Variants in RASGRF2 observed in about 807,000 individuals in gnomAD.
The protein encoded by RASGRF2 is Ras protein specific guanine nucleotide releasing factor 2.
RASGRF2 carries 76 observed loss-of-function variants against 151.0 expected under a neutral mutation model. The ratio of observed to expected loss-of-function variants is 0.50; its 90% CI spans 0.42 to 0.61. The LOEUF (loss-of-function observed/expected upper bound fraction) is 0.61, where lower values mean the gene tolerates loss of function less well. RASGRF2 is among the 20% of genes least tolerant of loss of function. The probability of loss-of-function intolerance (pLI) is 0.00; values close to 1 mark genes in which losing one functional copy is unlikely to be tolerated. For synonymous variants in RASGRF2, 504 were observed against 566.5 expected, an observed-to-expected ratio of 0.89 and a Z score of 1.57; for missense variants, 1,148 against 1,564.6, an observed-to-expected ratio of 0.73 and a Z score of 4.49.
intron 9 of RASGRF2, among the ~76,000 whole-genome samples, chr5:81,089,477 T>C (rs1416837876): frequency 1.3e-5 from 2 of 152,230 alleles, no homozygotes; most frequent in Non-Finnish European, 2.9e-5. Context: ...AACTCTTGAA[T>C]GTTTTTTGAT....
At chr5:81,106,779 GAC>G (rs1752858443) in intron 12 of RASGRF2, among the ~76,000 whole-genome samples, 1 of 152,138 alleles carries the variant, frequency 6.6e-6, no homozygotes. Flanking sequence ...TACATAACTG[GAC>G]ACACAGGATG....
At position 81,127,141 on chromosome 5, in the gene RASGRF2, A is replaced by C; in HGVS notation, c.2664A>C (p.Ala888=). Residue 888 remains alanine (A), a synonymous_variant, in exon 17 of 27, where the codon GCA becomes GCC. Transcript: ENST00000265080. ...PASAFAIATA[A]AGHGSPPGFN... is the part of the protein sequence containing the mutation. ...CTGCTTTTGCAATAGCCACAGCTGC[A>C]GCAGGACATGGGAGTCCACCAGGTG... 1 of 1,613,942 alleles carries C rather than the reference A, an allele frequency of 6.2e-7. No individual in the cohort carries two copies. The highest frequency in any genetic ancestry group is 2.2e-5 in the East Asian group (1 of 44,900).
At chr5:81,052,114 T>C (rs1308016548) in intron 2 of RASGRF2, among the ~76,000 whole-genome samples, 1 of 152,220 alleles carries the variant, frequency 6.6e-6, no homozygotes, top group Non-Finnish European at 1.5e-5. Flanking sequence ...TAAAGATAAT[T>C]CTACCAATAC....
In RASGRF2 at chr5:81,094,352, C is replaced by A. The variant is rs199615105; in HGVS notation, c.1608C>A (p.Ser536Arg). ...CATTGATTGAGGAGCCAGATGCAAG[C>A]GATGATGACTGTAAGTCACCTTCGA... ...DCTLIEEPDASDDDSKGSGQV... is the reference protein window; with the variant it reads ...DCTLIEEPDARDDDSKGSGQV... The change falls in exon 11 of 27, where the codon AGC becomes AGA. Residue 536 changes from serine (S) to arginine (R), a missense_variant. Coordinates refer to ENST00000265080, the MANE Select transcript of RASGRF2 (RefSeq NM_006909.3). 3.5e-5 allele frequency: 57 copies of A among 1,612,344 alleles called. No individual in the cohort carries two copies. Among genetic ancestry groups the A allele is most frequent in the Non-Finnish European group, 4.7e-5 (55 of 1,179,410 alleles).
At chr5:81,022,476 A>T (rs1330486601) in intron 1 of RASGRF2, among the ~76,000 whole-genome samples, 1 of 152,116 alleles carries the variant, frequency 6.6e-6, no homozygotes, top group Non-Finnish European at 1.5e-5. Flanking sequence ...GAGCAAGAGG[A>T]CATTGTGTGA....
rs551407326 is a variant in RASGRF2, at chr5:80,969,123, CTTTTTTT to C, written c.288+8116_288+8122del. On this transcript the variant is annotated intron_variant, in intron 1 of 26. Transcript: ENST00000265080. ...CCAGCTCCTCCAGCTGTGCAGGACT[CTTTTTTT>C]TTTTTTTTTTTTTTTTTTAAGTTGG... is the stretch of plus-strand genomic sequence containing the variant. Among the ~76,000 whole-genome samples, 102 of 93,328 alleles carry C rather than the reference CTTTTTTT, an allele frequency of 1.1e-3. 1 individual carries two copies. Among genetic ancestry groups the C allele is most frequent in the African/African-American group, 4.6e-3 (99 of 21,392 alleles). The allele number at this position is 93,328 out of a possible 152,430, so 61.2% of individuals were successfully genotyped here. A position where few individuals can be genotyped will look rare whatever the true frequency, so the allele number is the denominator to read the frequency against.
Position 81,113,356 on chromosome 5 carries a change from A to G in RASGRF2, c.2088-182A>G, listed in dbSNP as rs146609901. On this transcript the variant is annotated intron_variant, in intron 14 of 26. Coordinates refer to ENST00000265080, the MANE Select transcript of RASGRF2 (RefSeq NM_006909.3). ...AGCAAGGGATTAGACGATGCCTAAT[A>G]AGTGTCTGTGCTTCTTTGGCAGGTG... is the stretch of plus-strand genomic sequence containing the variant. 872 of 699,598 alleles carry G rather than the reference A, an allele frequency of 1.2e-3. 7 individuals are homozygous for G. The African/African-American group carries it at 0.014, about 11-fold the overall frequency. 43.3% of individuals were successfully genotyped at this position (699,598 alleles called of 1,614,324 possible). A position where few individuals can be genotyped will look rare whatever the true frequency, so the allele number is the denominator to read the frequency against.
Position 81,050,199 on chromosome 5 carries a change from AT to A in RASGRF2, c.395+7218del, listed in dbSNP as rs569170393. On this transcript the variant is annotated intron_variant, in intron 2 of 26. Transcript: ENST00000265080. ...GCCATCAACACTGATTGCCTGTCCT[AT>A]TGCTCTGCCACCTCGCCTGTCTCTT... Among the ~76,000 whole-genome samples the A allele has an allele frequency of 3.4e-3, 520 of 152,186 alleles. 5 individuals carry two copies. The highest frequency in any genetic ancestry group is 0.012 in the African/African-American group (498 of 41,528).
chr5:81,130,486 C>T (rs1334136675), intron 17 of RASGRF2, among the ~76,000 whole-genome samples: 1 of 152,026 alleles, frequency 6.6e-6, no homozygotes, highest in African/African-American at 2.4e-5. Context: ...AGGAACTGGT[C>T]CCTTAGCAGA....
chr5:81,096,951 TTTTG>T lies in RASGRF2; in HGVS notation c.1755+1973_1755+1976del, dbSNP rs978807765. ...AAGTTGTATCTGTTTTTTCTGTTTT[TTTTG>T]TTTGTTTGTTTGTGTTTTTTTTTTG... On this transcript the variant is annotated intron_variant, in intron 12 of 26. Transcript: ENST00000265080. Among the ~76,000 whole-genome samples the T allele has an allele frequency of 2.0e-4, 24 of 122,336 alleles. No individual in the cohort carries two copies. In the East Asian group the frequency reaches 4.9e-3, roughly 25 times the overall value. The allele number at this position is 122,336 out of a possible 152,430, so 80.3% of individuals were successfully genotyped here. A position where few individuals can be genotyped will look rare whatever the true frequency, so the allele number is the denominator to read the frequency against.
At chr5:81,122,987 T>G (rs1023985804) in intron 15 of RASGRF2, among the ~76,000 whole-genome samples, 1 of 152,194 alleles carries the variant, frequency 6.6e-6, no homozygotes, top group African/African-American at 2.4e-5. Context: ...CCCAGTAGAA[T>G]TTTCTGGGAG....
chr5:81,219,189 A>G (rs1755806846), intron 25 of RASGRF2, among the ~76,000 whole-genome samples: 1 of 150,710 alleles, frequency 6.6e-6, no homozygotes, highest in African/African-American at 2.4e-5. Flanking sequence ...AGCAATTCTT[A>G]TGCCTCAGCC....
chr5:81,072,157 C>T (rs1234063295), intron 4 of RASGRF2, among the ~76,000 whole-genome samples: 1 of 152,136 alleles, frequency 6.6e-6, no homozygotes, highest in Admixed American at 6.5e-5. Context: ...AAATATCAAC[C>T]TAATTTTTGT....
intron 24 of RASGRF2, 38 bp from the exon 25 acceptor site, chr5:81,217,318 T>A: frequency 6.4e-7 from 1 of 1,562,670 alleles, no homozygotes; most frequent in Non-Finnish European, 8.6e-7. Flanking sequence ...AGACATTTAT[T>A]CAAATGAGTC....
At chr5:81,093,007 A>G in intron 10 of RASGRF2, 46 bp downstream of exon 10, 1 of 1,417,918 alleles carries the variant, frequency 7.1e-7, no homozygotes. Context: ...AAGCACTTAC[A>G]AGTTATTGAA....
intron 4 of RASGRF2, among the ~76,000 whole-genome samples, chr5:81,072,196 G>A (rs2112460963): frequency 6.6e-6 from 1 of 152,154 alleles, no homozygotes; most frequent in South Asian, 2.1e-4. Context: ...ACTTAAAATT[G>A]GTTATAATTC....
chr5:81,025,102 C>T (rs1749973110), intron 1 of RASGRF2, among the ~76,000 whole-genome samples: 1 of 152,204 alleles, frequency 6.6e-6, no homozygotes, highest in African/African-American at 2.4e-5. Context: ...TATGATCCCC[C>T]ATCCCATCTC....
Position 81,179,746 on chromosome 5 carries a change from A to G in RASGRF2, c.2687-429A>G, listed in dbSNP as rs1002517707. ...GCACAGTAAAGTGTTTGAATCATCCATAAGCCAAGATATGGCCTAATTCAT... is the reference window on the plus strand; with the variant it reads ...GCACAGTAAAGTGTTTGAATCATCCGTAAGCCAAGATATGGCCTAATTCAT... On this transcript the variant is annotated intron_variant, in intron 17 of 26. Transcript: ENST00000265080. Among the ~76,000 whole-genome samples the G allele has an allele frequency of 2.0e-5, 3 of 152,242 alleles. No homozygotes were observed. The East Asian group carries it at 5.8e-4, about 29-fold the overall frequency.
At chr5:80,962,095 A>G (rs574664681) in intron 1 of RASGRF2, among the ~76,000 whole-genome samples, 2 of 152,332 alleles carry the variant, frequency 1.3e-5, no homozygotes, top group Admixed American at 1.3e-4. Flanking sequence ...TAAGATGCCT[A>G]CCTAACCCTT....
Sources: allele counts gnomAD v4.1 joint callset (sites outside exome capture counted in the v4.1 genomes callset), GRCh38; gene constraint gnomAD v4.1.1; transcripts MANE v1.5; gene names NCBI Gene and HGNC (gene_info 2026-07-23, HGNC 2026-07-21).